SLC24A3: variants seen among roughly 807,000 people sequenced by gnomAD.
SLC24A3 encodes the protein solute carrier family 24 member 3.
SLC24A3 carries 28 observed loss-of-function variants against 75.8 expected under a neutral mutation model. That is an observed-to-expected ratio of 0.37 (90% CI 0.27 to 0.51). SLC24A3 has a LOEUF of 0.51. Ranked by LOEUF, SLC24A3 falls within the 20% of genes least tolerant of loss-of-function variation. The pLI, the probability that SLC24A3 is intolerant of heterozygous loss-of-function variation, is 0.94. For synonymous variants in SLC24A3, 372 were observed against 334.1 expected, an observed-to-expected ratio of 1.11 and a Z score of -1.24; for missense variants, 663 against 847.8, an observed-to-expected ratio of 0.78 and a Z score of 2.71.
chr20:19,317,807 C>T (rs1316714030), intron 2 of SLC24A3, among the ~76,000 whole-genome samples: 1 of 152,144 alleles, frequency 6.6e-6, no homozygotes, highest in African/African-American at 2.4e-5. Flanking sequence ...GGAGTGTAAG[C>T]CTTTTACATA....
intron 2 of SLC24A3, among the ~76,000 whole-genome samples, chr20:19,452,612 G>A (rs1264757476): frequency 1.3e-5 from 2 of 152,054 alleles, no homozygotes; most frequent in Admixed American, 6.5e-5. Context: ...ACCCTTCATA[G>A]AGCATCATAC....
chr20:19,413,348 A>T (rs145208333), intron 2 of SLC24A3, among the ~76,000 whole-genome samples: 1 of 152,372 alleles, frequency 6.6e-6, no homozygotes, highest in East Asian at 1.9e-4. Context: ...TAAATAAATC[A>T]ATGGTACCAG....
chr20:19,457,699 C>T (rs1600237416), intron 2 of SLC24A3, among the ~76,000 whole-genome samples: 1 of 152,152 alleles, frequency 6.6e-6, no homozygotes, highest in East Asian at 1.9e-4. Flanking sequence ...CTCATGGGAC[C>T]AAGGCCCCAA....
chr20:19,685,963 G>C (rs1463328706), intron 12 of SLC24A3, among the ~76,000 whole-genome samples: 1 of 152,120 alleles, frequency 6.6e-6, no homozygotes, highest in East Asian at 1.9e-4. Flanking sequence ...GAGGCCTAAG[G>C]GTCCATTTCC....
rs1230277192 is a variant in SLC24A3, at chr20:19,252,839, G to C, written c.143-28120G>C. On this transcript the variant is annotated intron_variant, in intron 1 of 16. Transcript: ENST00000328041. The stretch of plus-strand genomic sequence containing the variant: ...AGCCTCCAGTATGGGGGAGGGGTCA[G>C]CATGTTTAGAATGAATGTGTCACTA... Among the ~76,000 whole-genome samples, 3 of 152,204 alleles carry C rather than the reference G, an allele frequency of 2.0e-5. No homozygotes were observed. The East Asian group carries it at 5.8e-4, about 29-fold the overall frequency.
intron 2 of SLC24A3, among the ~76,000 whole-genome samples, chr20:19,297,148 G>T (rs897716022): frequency 6.6e-6 from 1 of 152,062 alleles, no homozygotes; most frequent in Non-Finnish European, 1.5e-5. Context: ...CAACCCTGTG[G>T]CCATCCATCA....
intron 2 of SLC24A3, among the ~76,000 whole-genome samples, chr20:19,492,567 T>C (rs574052268): frequency 6.6e-6 from 1 of 152,342 alleles, no homozygotes; most frequent in South Asian, 2.1e-4. Flanking sequence ...CCACTCACTA[T>C]GGACCTTTAG....
chr20:19,683,047 A>G (rs1437070299), intron 10 of SLC24A3, among the ~76,000 whole-genome samples: 2 of 152,168 alleles, frequency 1.3e-5, no homozygotes, highest in Non-Finnish European at 2.9e-5. Flanking sequence ...AAAAAAAAAG[A>G]AATTAGAAAG....
In SLC24A3 at chr20:19,389,417, C is replaced by T. The variant is rs532013044; in HGVS notation, c.271+108330C>T. On this transcript the variant is annotated intron_variant, in intron 2 of 16. Coordinates refer to ENST00000328041, the MANE Select transcript of SLC24A3 (RefSeq NM_020689.4). ...AATACAAATCTAGTGATGATTAACT[C>T]TCATACCTTTTGTCTGTCAGGGAAA... Among the ~76,000 whole-genome samples, 191 of 152,178 alleles carry T rather than the reference C, an allele frequency of 1.3e-3. 1 individual carries two copies. The highest frequency in any genetic ancestry group is 4.5e-3 in the African/African-American group (186 of 41,548).
At chr20:19,439,116 C>T (rs1168041025) in intron 2 of SLC24A3, among the ~76,000 whole-genome samples, 1 of 152,196 alleles carries the variant, frequency 6.6e-6, no homozygotes, top group African/African-American at 2.4e-5. Context: ...CACTGCTGTG[C>T]TTGTCTCCAC....
intron 1 of SLC24A3, among the ~76,000 whole-genome samples, chr20:19,217,628 G>A (rs989215019): frequency 2.6e-5 from 4 of 152,120 alleles, no homozygotes; most frequent in African/African-American, 7.2e-5. Context: ...TGTGGCTGCC[G>A]ATTCCTCCTA....
intron 2 of SLC24A3, among the ~76,000 whole-genome samples, chr20:19,496,759 G>C (rs1988295391): frequency 6.6e-6 from 1 of 152,092 alleles, no homozygotes. Flanking sequence ...ACCGAGCCCT[G>C]GGTGCTGGCT....
intron 15 of SLC24A3, among the ~76,000 whole-genome samples, chr20:19,701,595 C>T (rs1011489998): frequency 6.6e-6 from 1 of 152,148 alleles, no homozygotes; most frequent in African/African-American, 2.4e-5. Flanking sequence ...TCATACGTGA[C>T]AAGGATGCCA....
chr20:19,319,879 G>A (rs1165538224), intron 2 of SLC24A3, among the ~76,000 whole-genome samples: 1 of 152,198 alleles, frequency 6.6e-6, no homozygotes, highest in Non-Finnish European at 1.5e-5. Flanking sequence ...TGGGGTCATG[G>A]GACGCATACC....
At chr20:19,244,184 A>C (rs1251212539) in intron 1 of SLC24A3, 1 of 152,158 alleles carries the variant, frequency 6.6e-6, no homozygotes, top group East Asian at 1.9e-4. Flanking sequence ...TCATCCTAAT[A>C]GCTTCTGCAT....
At chr20:19,477,445 A>C (rs1443830306) in intron 2 of SLC24A3, among the ~76,000 whole-genome samples, 2 of 152,240 alleles carry the variant, frequency 1.3e-5, no homozygotes, top group Non-Finnish European at 2.9e-5. Context: ...AGGCAAGCTA[A>C]GTCCAAAAAA....
chr20:19,317,062 A>C (rs6075497), intron 2 of SLC24A3, among the ~76,000 whole-genome samples: 8 of 152,060 alleles, frequency 5.3e-5, no homozygotes, highest in Middle Eastern at 3.4e-3. Flanking sequence ...AAAACAAGCA[A>C]TGGGGAAAGG....
chr20:19,551,954 C>T (rs927993098), intron 3 of SLC24A3, among the ~76,000 whole-genome samples: 1 of 152,204 alleles, frequency 6.6e-6, no homozygotes, highest in East Asian at 1.9e-4. Flanking sequence ...AAACCCAAAA[C>T]TTGTCTTTCA....
intron 3 of SLC24A3, among the ~76,000 whole-genome samples, chr20:19,578,359 G>C (rs139075846): frequency 3.9e-5 from 6 of 152,024 alleles, no homozygotes; most frequent in South Asian, 2.1e-4. Flanking sequence ...GTGTGTGTGC[G>C]TGTGCCTGTC....
Sources: gnomAD v4.1 joint callset for allele counts (sites outside exome capture counted in the v4.1 genomes callset) on GRCh38, gnomAD v4.1.1 for gene constraint, MANE v1.5 for transcripts, NCBI Gene and HGNC (gene_info 2026-07-23, HGNC 2026-07-21) for gene names.